The following RASSF5 variants were observed in gnomAD, a reference collection of about 807,000 sequenced individuals.
RASSF5 encodes Ras association domain family member 5.
A neutral mutation model predicts 40.5 loss-of-function variants in RASSF5; 25 were observed. That is an observed-to-expected ratio of 0.62 (90% CI 0.45 to 0.86). The LOEUF (loss-of-function observed/expected upper bound fraction) is 0.86, where lower values mean the gene tolerates loss of function less well. Ranked by LOEUF, RASSF5 falls within the 40% of genes least tolerant of loss-of-function variation. RASSF5 has a pLI of 0.00. For synonymous variants in RASSF5, 246 were observed against 252.4 expected (o/e 0.97, Z 0.24); for missense variants, 521 against 572.8 (o/e 0.91, Z 0.92).
At chr1:206,571,706 C>T (rs1553404210) in intron 2 of RASSF5, among the ~76,000 whole-genome samples, 2 of 152,140 alleles carry the variant, frequency 1.3e-5, no homozygotes, top group African/African-American at 4.8e-5. Flanking sequence ...GGCAGGAGGC[C>T]AATTCTGTCA....
At chr1:206,578,354 G>A (rs1553405595) in intron 2 of RASSF5, among the ~76,000 whole-genome samples, 1 of 152,020 alleles carries the variant, frequency 6.6e-6, no homozygotes, top group East Asian at 1.9e-4. Context: ...TTCCTTGACT[G>A]TAAAATGAGC....
chr1:206,579,940 C>T lies in RASSF5; in HGVS notation c.580-3329C>T, dbSNP rs894635313. 6.6e-6 allele frequency among the ~76,000 whole-genome samples: 1 copy of T among 152,228 alleles called. No homozygotes were observed. The highest frequency in any genetic ancestry group is 2.4e-5 in the African/African-American group (1 of 41,448). ...ATATTTTTGTGGGCAGCAGCCATCC[C>T]AGACCTGGGTGCTGGCATTCCATGG... On this transcript the variant is annotated intron_variant, in intron 2 of 5. Transcript: ENST00000579436. The surrounding 1 kb of genome is among the most constrained non-coding windows in gnomAD (Gnocchi z 4.2).
chr1:206,529,148 C>A, intron 1 of RASSF5: 1 of 1,509,916 alleles, frequency 6.6e-7, no homozygotes, highest in Non-Finnish European at 8.9e-7. Context: ...CTGCGATTAA[C>A]CAGTTCACCC....
intron 2 of RASSF5, among the ~76,000 whole-genome samples, chr1:206,575,215 G>A (rs571403246): frequency 1.3e-5 from 2 of 152,224 alleles, no homozygotes; most frequent in African/African-American, 2.4e-5. Context: ...CAGAAGCACC[G>A]GGTGTTTGGG....
At chr1:206,557,582 G>A in intron 2 of RASSF5, 3 of 1,614,178 alleles carry the variant, frequency 1.9e-6, no homozygotes, top group Non-Finnish European at 2.5e-6. Flanking sequence ...AGATGACCGT[G>A]GACAGCAGCA....
At chr1:206,558,475 C>G (rs1572339560) in intron 2 of RASSF5, among the ~76,000 whole-genome samples, 1 of 152,046 alleles carries the variant, frequency 6.6e-6, no homozygotes, top group East Asian at 1.9e-4. Context: ...GGGCTCCAAG[C>G]CAGGTCCTTA....
rs1214720619 is a variant in RASSF5 at position 206,512,856 on chromosome 1, C to G, written c.457+4797C>G. ...TCTTTGCATGTCAGTAGTGCCTTTT[C>G]TCTGAAGAGCCCAAAGTGTTTTCAT... On this transcript the variant is annotated intron_variant, in intron 1 of 5. Transcript: ENST00000579436. 2.0e-5 allele frequency among the ~76,000 whole-genome samples: 3 copies of G among 152,244 alleles called. 1 individual carries two copies. The South Asian group carries it at 6.2e-4, about 32-fold the overall frequency.
At chr1:206,566,877 C>T (rs1160780845) in intron 2 of RASSF5, among the ~76,000 whole-genome samples, 1 of 152,132 alleles carries the variant, frequency 6.6e-6, no homozygotes, top group Admixed American at 6.5e-5. Context: ...CACTGTGTCC[C>T]CTGGCACGTG....
Position 206,586,839 on chromosome 1 carries a change from C to G in RASSF5, c.1118C>G (p.Ser373Cys), listed in dbSNP as rs374894198. Residue 373 changes from serine to cysteine, a missense_variant, in exon 6 of 6, where the codon TCC becomes TGC. By Grantham distance (112) the Ser-to-Cys change is moderately radical. Around this residue, in one of 2 missense-constraint regions of RASSF5, gnomAD observed 284 missense variants for 360.8 expected, o/e 0.79. Coordinates refer to ENST00000579436, the MANE Select transcript of RASSF5 (RefSeq NM_182663.4). ...CTCGCCTCACAGTGGGATGCCTTCTCCATCCCTGAACTTCAGAACTTCCTA... is the reference window on the plus strand; with the variant it reads ...CTCGCCTCACAGTGGGATGCCTTCTGCATCCCTGAACTTCAGAACTTCCTA... ...ETGEVEWDAFSIPELQNFLTI... is the reference protein window; with the variant it reads ...ETGEVEWDAFCIPELQNFLTI... The G allele has an allele frequency of 2.0e-5, 33 of 1,613,066 alleles. No homozygotes were observed. The highest frequency in any genetic ancestry group is 2.6e-5 in the Non-Finnish European group (31 of 1,179,312).
intron 2 of RASSF5, among the ~76,000 whole-genome samples, chr1:206,550,363 G>T (rs999328934): frequency 1.3e-5 from 2 of 152,144 alleles, no homozygotes; most frequent in Admixed American, 1.3e-4. Flanking sequence ...CCAGCCTTAC[G>T]CATTGGGTAA....
intron 1 of RASSF5, among the ~76,000 whole-genome samples, chr1:206,510,301 C>A (rs899168164): frequency 1.3e-5 from 2 of 152,066 alleles, no homozygotes; most frequent in Non-Finnish European, 1.5e-5. Context: ...AGACTGGAAC[C>A]AGAGCCCTGG....
intron 2 of RASSF5, among the ~76,000 whole-genome samples, chr1:206,550,368 G>A (rs1667805386): frequency 6.6e-6 from 1 of 152,176 alleles, no homozygotes; most frequent in Admixed American, 6.5e-5. Flanking sequence ...CTTACGCATT[G>A]GGTAAATGCC....
chr1:206,563,050 A>C (rs1668189421), intron 2 of RASSF5, among the ~76,000 whole-genome samples: 1 of 152,220 alleles, frequency 6.6e-6, no homozygotes, highest in South Asian at 2.1e-4. Context: ...GAATATAATC[A>C]GAGGTTTATT....
Position 206,538,279 on chromosome 1 carries a change from G to A in RASSF5, c.565G>A (p.Val189Met), listed in dbSNP as rs148860285. ...ACCCTCTCCAGAAAGCACCCTCACC[G>A]TGACCTTCAGCCAGGTAGGTGCCAA... ...DRPSPESTLTVTFSQNVCKPV... is the reference protein window; with the variant it reads ...DRPSPESTLTMTFSQNVCKPV... Residue 189 changes from valine (V) to methionine (M), a missense_variant, in exon 2 of 6, where the codon GTG (valine) becomes ATG (methionine). Val to Met is a conservative substitution (Grantham distance 21). Transcript: ENST00000579436. The A allele has an allele frequency of 6.1e-4, 982 of 1,613,776 alleles. 16 individuals carry two copies. In the East Asian group the frequency reaches 0.02, roughly 34 times the overall value.
intron 2 of RASSF5, chr1:206,581,131 A>G (rs1553406217): frequency 1.3e-5 from 2 of 152,282 alleles, no homozygotes; most frequent in Non-Finnish European, 2.9e-5. Context: ...GACCACAGGC[A>G]TGTTTCTTAA....
chr1:206,551,422 A>G (rs917469623), intron 2 of RASSF5, among the ~76,000 whole-genome samples: 4 of 152,180 alleles, frequency 2.6e-5, no homozygotes, highest in African/African-American at 9.7e-5. Flanking sequence ...AGGCCGTCCC[A>G]TCTGGGACAG....
At chr1:206,569,410 A>G (rs529976934) in intron 2 of RASSF5, among the ~76,000 whole-genome samples, 75 of 152,292 alleles carry the variant, frequency 4.9e-4, no homozygotes, top group African/African-American at 1.5e-3. Context: ...ACAGGTAGCA[A>G]CCCTCAGAGA....
intron 1 of RASSF5, among the ~76,000 whole-genome samples, chr1:206,519,070 G>A (rs986601839): frequency 4.6e-5 from 7 of 152,078 alleles, no homozygotes; most frequent in African/African-American, 7.2e-5. Context: ...CAGGAGTCCC[G>A]GCCTCGGGAA....
chr1:206,523,783 T>A (rs1335644472), intron 1 of RASSF5, among the ~76,000 whole-genome samples: 1 of 102,986 alleles, frequency 9.7e-6, no homozygotes, highest in Non-Finnish European at 1.7e-5. Flanking sequence ...ATATTATATA[T>A]AATATATTTT....
Sources: allele counts gnomAD v4.1 joint callset (sites outside exome capture counted in the v4.1 genomes callset), GRCh38; gene constraint gnomAD v4.1.1; regional missense constraint gnomAD v4.1.1; non-coding constraint Gnocchi (gnomAD v3.1); transcripts MANE v1.5; gene names NCBI Gene and HGNC (gene_info 2026-07-23, HGNC 2026-07-21).